ARHGAP10: variants seen among roughly 807,000 people sequenced by gnomAD.
ARHGAP10 encodes Rho GTPase activating protein 10.
A neutral mutation model predicts 108.6 loss-of-function variants in ARHGAP10; 87 were observed. The observed-to-expected ratio is 0.80, with a 90% CI of 0.67 to 0.96. The LOEUF (loss-of-function observed/expected upper bound fraction) is 0.96. Ranked by LOEUF, ARHGAP10 falls within the 40% of genes least tolerant of loss-of-function variation. The probability of loss-of-function intolerance (pLI) is 0.00; values close to 1 mark genes in which losing one functional copy is unlikely to be tolerated. For missense variants in ARHGAP10, 939 were observed against 954.5 expected (o/e 0.98, Z 0.21); for synonymous variants, 347 against 341.1 (o/e 1.02, Z -0.19).
intron 1 of ARHGAP10, among the ~76,000 whole-genome samples, chr4:147,799,103 C>A (rs1191995790): frequency 1.3e-5 from 2 of 151,482 alleles, no homozygotes; most frequent in Non-Finnish European, 2.9e-5. Flanking sequence ...GGTGTGATGT[C>A]GGCTCACTGC....
At chr4:147,909,492 A>T (rs899656864) in intron 11 of ARHGAP10, among the ~76,000 whole-genome samples, 3 of 152,210 alleles carry the variant, frequency 2.0e-5, no homozygotes, top group Non-Finnish European at 2.9e-5. Context: ...ATAAACTCAC[A>T]TGTGACCAAA....
chr4:147,846,943 C>T (rs1733660177), intron 3 of ARHGAP10, among the ~76,000 whole-genome samples: 1 of 152,160 alleles, frequency 6.6e-6, no homozygotes, highest in East Asian at 1.9e-4. Flanking sequence ...GCAATCTGCC[C>T]ACCTCCTCTT....
At chr4:147,837,649 T>TTTGTTTTTTTTTTTTTTTG (rs1733226963) in intron 3 of ARHGAP10, among the ~76,000 whole-genome samples, 1 of 132,134 alleles carries the variant, frequency 7.6e-6, no homozygotes, top group Non-Finnish European at 1.7e-5. Flanking sequence ...CACTGTTTTT[T>TTTGTTTTTTTTTTTTTTTG]TTTTTTTTTT....
At chr4:147,989,028 A>G (rs1278424911) in intron 18 of ARHGAP10, among the ~76,000 whole-genome samples, 2 of 152,112 alleles carry the variant, frequency 1.3e-5, no homozygotes, top group Non-Finnish European at 2.9e-5. Flanking sequence ...GTTCTTCTCT[A>G]TTTTCCTAAG....
chr4:147,832,302 G>C (rs1264535773), intron 3 of ARHGAP10, among the ~76,000 whole-genome samples: 1 of 151,698 alleles, frequency 6.6e-6, no homozygotes, highest in East Asian at 1.9e-4. Context: ...TGAAAACAAA[G>C]AACTGAAGAG....
intron 1 of ARHGAP10, among the ~76,000 whole-genome samples, chr4:147,751,564 C>T (rs974202745): frequency 2.0e-5 from 3 of 151,842 alleles, no homozygotes; most frequent in Non-Finnish European, 2.9e-5. Flanking sequence ...TGGGGTTTCA[C>T]CATGTTGGCC....
At chr4:147,783,212 T>A (rs1372347604) in intron 1 of ARHGAP10, among the ~76,000 whole-genome samples, 1 of 144,756 alleles carries the variant, frequency 6.9e-6, no homozygotes, top group Non-Finnish European at 1.5e-5. Flanking sequence ...TATAACACAT[T>A]AAATTATGTA....
At chr4:147,964,732 A>G (rs1048450445) in intron 16 of ARHGAP10, among the ~76,000 whole-genome samples, 3 of 152,212 alleles carry the variant, frequency 2.0e-5, no homozygotes, top group African/African-American at 7.2e-5. Flanking sequence ...GCATGTCAGA[A>G]GGAGAAGCTT....
At chr4:147,790,991 C>A (rs891195861) in intron 1 of ARHGAP10, among the ~76,000 whole-genome samples, 2 of 151,814 alleles carry the variant, frequency 1.3e-5, no homozygotes, top group African/African-American at 4.8e-5. Context: ...TGTTTCATTG[C>A]CACATATGTT....
chr4:147,914,978 G>A (rs1425748215), intron 13 of ARHGAP10, among the ~76,000 whole-genome samples: 3 of 152,034 alleles, frequency 2.0e-5, no homozygotes, highest in Non-Finnish European at 4.4e-5. Context: ...TTTGTTTAGC[G>A]ATCTAGTGAA....
intron 18 of ARHGAP10, among the ~76,000 whole-genome samples, chr4:147,986,973 T>C (rs1471579717): frequency 6.6e-6 from 1 of 152,218 alleles, no homozygotes; most frequent in East Asian, 1.9e-4. Context: ...TTTGTCTTCA[T>C]TGTGACTGTT....
chr4:148,047,038 T>C lies in ARHGAP10; in HGVS notation c.2014T>C (p.Trp672Arg). The C allele has an allele frequency of 6.2e-7, 1 of 1,614,160 alleles. No individual in the cohort carries two copies. Among genetic ancestry groups the C allele is most frequent in the Non-Finnish European group, 8.5e-7 (1 of 1,180,024 alleles). ...LLADGGSFGD[W>R]ASTIPGQTRS... is the part of the protein sequence containing the mutation. ...GGCAGATGGAGGGAGCTTTGGAGAC[T>C]GGGCATCCACTATGTAAGTAACCGT... Residue 672 changes from tryptophan (W) to arginine (R), a missense_variant, in exon 20 of 23, where the codon TGG becomes CGG. Physicochemically the swap from Trp to Arg is moderately radical, Grantham distance 101. Coordinates refer to ENST00000336498, the MANE Select transcript of ARHGAP10 (RefSeq NM_024605.4).
intron 22 of ARHGAP10, among the ~76,000 whole-genome samples, chr4:148,069,845 C>T (rs988650771): frequency 6.6e-6 from 1 of 152,150 alleles, no homozygotes; most frequent in Non-Finnish European, 1.5e-5. Context: ...ACCCTGAGGG[C>T]CTGTTTTGCA....
At chr4:147,743,408 AC>A (rs58233472) in intron 1 of ARHGAP10, among the ~76,000 whole-genome samples, 1,887 of 152,220 alleles carry the variant, frequency 0.012, 47 homozygotes, top group African/African-American at 0.043. Flanking sequence ...GGTCTTTGAA[AC>A]CAGGTTTACT....
chr4:147,877,005 T>A (rs554822307), intron 8 of ARHGAP10, among the ~76,000 whole-genome samples: 1 of 152,314 alleles, frequency 6.6e-6, no homozygotes, highest in South Asian at 2.1e-4. Flanking sequence ...TGCTTGGCGC[T>A]TGAACAGGCG....
At chr4:147,991,822 C>T (rs1412268604) in intron 18 of ARHGAP10, among the ~76,000 whole-genome samples, 1 of 152,178 alleles carries the variant, frequency 6.6e-6, no homozygotes, top group African/African-American at 2.4e-5. Flanking sequence ...CGCTGAGTAC[C>T]TTTTAACTGC....
At chr4:147,956,759 T>C (rs1738801524) in intron 16 of ARHGAP10, among the ~76,000 whole-genome samples, 1 of 151,882 alleles carries the variant, frequency 6.6e-6, no homozygotes, top group Non-Finnish European at 1.5e-5. Context: ...CCTTTTTTTT[T>C]TTCTTTTATT....
chr4:147,891,449 T>G (rs1478106575), intron 10 of ARHGAP10, among the ~76,000 whole-genome samples: 1 of 152,186 alleles, frequency 6.6e-6, no homozygotes, highest in Non-Finnish European at 1.5e-5. Flanking sequence ...GTCTAGAGGT[T>G]TGGAAAGAAA....
At chr4:147,915,672 A>G (rs187642121) in intron 13 of ARHGAP10, among the ~76,000 whole-genome samples, 121 of 152,372 alleles carry the variant, frequency 7.9e-4, no homozygotes, top group African/African-American at 2.9e-3. Flanking sequence ...TCATTTAAAA[A>G]TAAGAGACAA....
Sources: allele counts gnomAD v4.1 joint callset (sites outside exome capture counted in the v4.1 genomes callset), GRCh38; gene constraint gnomAD v4.1.1; transcripts MANE v1.5; gene names NCBI Gene and HGNC (gene_info 2026-07-23, HGNC 2026-07-21).